The following TMC6 variants were observed in gnomAD, a reference collection of about 807,000 sequenced individuals.
The protein encoded by TMC6 is transmembrane channel like 6, also known as transmembrane channel-like protein 6.
TMC6 carries 71 observed loss-of-function variants against 95.4 expected under a neutral mutation model. That is an observed-to-expected ratio of 0.74 (90% confidence interval 0.61 to 0.91). The LOEUF is 0.91. TMC6 is among the 40% of genes least tolerant of loss of function. The pLI is 0.00. For missense variants in TMC6, 1,074 were observed against 1,079.1 expected (o/e 1.00, Z 0.07); for synonymous variants, 514 against 483.1 (o/e 1.06, Z -0.84).
upstream of TMC6, chr17:78,132,064 C>T: frequency 6.5e-7 from 1 of 1,534,788 alleles, no homozygotes; most frequent in Non-Finnish European, 8.7e-7. Context: ...TCCCCTTGCC[C>T]TCTCTGGAGC....
At chr17:78,113,411 G>A (rs111729911) in intron 19 of TMC6, 137 bp downstream of exon 19, 1 of 1,256,282 alleles carries the variant, frequency 8.0e-7, no homozygotes, top group Admixed American at 2.0e-5. Flanking sequence ...GGGCGCCGGG[G>A]GGGAGATTTT....
In TMC6 at chr17:78,121,122, G is replaced by A. The variant is rs1323092707; in HGVS notation, c.1426C>T (p.Pro476Ser). 4 of 1,609,298 alleles carry A rather than the reference G, an allele frequency of 2.5e-6. No individual in the cohort carries two copies. The highest frequency in any genetic ancestry group is 1.1e-5 in the South Asian group (1 of 90,710). ...AGQEAVLLVL[P>S]LVVGLLNLGA... The stretch of plus-strand genomic sequence containing the variant: ...AGGTTGAGGAGGCCAACCACCAGGG[G>A]CAGGACCAGCAGCACAGCCTCCTGG... Residue 476 changes from proline to serine, a missense_variant, in exon 12 of 20, where the codon CCC becomes TCC. Transcript: ENST00000590602. The surrounding 1 kb of genome is among the most constrained non-coding windows in gnomAD (Gnocchi z 5.6).
At chr17:78,113,361 G>T in intron 19 of TMC6, 150 bp from the exon 20 acceptor site, 1 of 1,225,790 alleles carries the variant, frequency 8.2e-7, no homozygotes, top group Non-Finnish European at 1.2e-6. Flanking sequence ...AAAATGGCCA[G>T]GCTCCGGAGG....
At position 78,124,579 on chromosome 17, in the gene TMC6, G is replaced by A. The variant is rs1360687559; in HGVS notation, c.836C>T (p.Pro279Leu). ...GACGGGGGCAGGGCCCGGCAGGGCG[G>A]GTGGGAAGGCGACCTGAGGGCCCAT... ...FIMGPQVAFP[P>L]ALPGPAPVCT... Residue 279 changes from proline to leucine, a missense_variant, in exon 8 of 20, where the codon CCC becomes CTC. Coordinates refer to ENST00000590602, the MANE Select transcript of TMC6 (RefSeq NM_001127198.5). 8.1e-6 allele frequency: 13 copies of A among 1,612,244 alleles called. No homozygotes were observed. The highest frequency in any genetic ancestry group is 1.1e-5 in the Non-Finnish European group (13 of 1,179,792).
chr17:78,113,632 G>A lies in TMC6; in HGVS notation c.2278-8C>T, dbSNP rs749310036. 1.9e-6 allele frequency: 3 copies of A among 1,613,234 alleles called. No individual in the cohort carries two copies. In the Admixed American group the frequency reaches 5.0e-5, roughly 27 times the overall value. Reference sequence around the variant, plus strand: ...GATTTTGTCCTCACCCTCCTAGAAAGGCCAGAACACAAAGGGGAGGAGAAA... The same window carrying A: ...GATTTTGTCCTCACCCTCCTAGAAAAGCCAGAACACAAAGGGGAGGAGAAA... On this transcript the variant is annotated splice_region_variant and splice_polypyrimidine_tract_variant and intron_variant, in intron 18 of 19. Transcript: ENST00000590602.
Position 78,111,371 on chromosome 17 carries a change from C to T in TMC6, c.*1777G>A, listed in dbSNP as rs906378267. The T allele has an allele frequency of 8.5e-5, 13 of 152,396 alleles. No homozygotes were observed. The highest frequency in any genetic ancestry group is 3.1e-4 in the African/African-American group (13 of 41,468). The allele number at this position is 152,396 out of a possible 1,614,324, so 9.4% of individuals were successfully genotyped here. ...CAACAGGTCACAACCAATGATCATG[C>T]TGGCAAGCCAGCAGTGGCAGGCGCA... On this transcript the variant is annotated 3_prime_UTR_variant, in exon 20 of 20. Transcript: ENST00000590602.
At chr17:78,120,611 G>C (rs767765175) in intron 13 of TMC6, 42 bp downstream of exon 13, 3 of 1,613,682 alleles carry the variant, frequency 1.9e-6, no homozygotes. Flanking sequence ...CGGCCACTAA[G>C]GGGAGAACAC....
chr17:78,119,803 TTTTA>T, intron 13 of TMC6: 1 of 371,872 alleles, frequency 2.7e-6, no homozygotes, highest in South Asian at 2.1e-5. Flanking sequence ...CCCAGCTAAT[TTTTA>T]TTTATTTTTA....
In TMC6 at chr17:78,126,668, G is replaced by C. The variant is rs372869944; in HGVS notation, c.57-20C>G. On this transcript the variant is annotated intron_variant, in intron 2 of 19. Transcript: ENST00000590602. Reference sequence around the variant, plus strand: ...CCCTGGCTGCAGAGGGGGTTGGCGGGGGGGTCAGGCTCCAGCCACCTCTCT... The same window carrying C: ...CCCTGGCTGCAGAGGGGGTTGGCGGCGGGGTCAGGCTCCAGCCACCTCTCT... 1.9e-6 allele frequency: 3 copies of C among 1,612,560 alleles called. No individual in the cohort carries two copies. The highest frequency in any genetic ancestry group is 1.3e-5 in the African/African-American group (1 of 74,912).
intron 5 of TMC6, 23 bp from the exon 6 acceptor site, chr17:78,125,286 C>T: frequency 6.5e-7 from 1 of 1,549,994 alleles, no homozygotes; most frequent in South Asian, 1.2e-5. Flanking sequence ...GAGGGAGGTC[C>T]TGCCCATCCC....
In TMC6 at chr17:78,113,203, G is replaced by C; in HGVS notation, c.2363C>G (p.Thr788Arg). The C allele has an allele frequency of 9.0e-6, 14 of 1,555,880 alleles. No homozygotes were observed. The highest frequency in any genetic ancestry group is 1.2e-5 in the Non-Finnish European group (14 of 1,148,636). Residue 788 changes from threonine (T) to arginine (R), a missense_variant, in exon 20 of 20, where the codon ACA (threonine) becomes AGA (arginine). Thr to Arg is a moderately conservative substitution (Grantham distance 71). Coordinates refer to ENST00000590602, the MANE Select transcript of TMC6 (RefSeq NM_001127198.5). ...KEREERSRVG[T>R]TEEAAAPPAL... ...AGGGGGTGCCGCAGCCTCCTCGGTTGTCCCAACCCTGCCAGAAAGAGACAT... is the reference window on the plus strand; with the variant it reads ...AGGGGGTGCCGCAGCCTCCTCGGTTCTCCCAACCCTGCCAGAAAGAGACAT...
chr17:78,110,428 C>G lies in TMC6; in HGVS notation c.*2720G>C, dbSNP rs527516420. On this transcript the variant is annotated 3_prime_UTR_variant, in exon 20 of 20. Transcript: ENST00000590602. ...GGAGGCTGAGGCAGTGAGCCGAGAT[C>G]ATGGAACTGCACTCCAGCCTGGGCA... 4 of 152,294 alleles carry G rather than the reference C, an allele frequency of 2.6e-5. No individual in the cohort carries two copies. The highest frequency in any genetic ancestry group is 9.6e-5 in the African/African-American group (4 of 41,512). 9.4% of individuals were successfully genotyped at this position (152,294 alleles called of 1,614,324 possible).
chr17:78,128,729 AGGGGCGACTGGGCCAGTCGCAG>A lies in TMC6; in HGVS notation c.-214_-193del, dbSNP rs2074870589. 1 of 135,574 alleles carries A rather than the reference AGGGGCGACTGGGCCAGTCGCAG, an allele frequency of 7.4e-6. No individual in the cohort carries two copies. The highest frequency in any genetic ancestry group is 1.6e-5 in the Non-Finnish European group (1 of 63,950). 8.4% of individuals were successfully genotyped at this position (135,574 alleles called of 1,614,324 possible). On this transcript the variant is annotated 5_prime_UTR_variant, in exon 1 of 20. Transcript: ENST00000590602. The surrounding 1 kb of genome is among the most constrained non-coding windows in gnomAD (Gnocchi z 4.0). ...TGCCAAGGGAGTGGCAAAGGGCCCC[AGGGGCGACTGGGCCAGTCGCAG>A]GTCTGCCGGGGCCGGGGGAGTAGCC...
intron 2 of TMC6, 40 bp from the exon 3 acceptor site, chr17:78,126,688 C>T (rs1351301031): frequency 1.2e-6 from 2 of 1,612,186 alleles, no homozygotes; most frequent in Non-Finnish European, 1.7e-6. Flanking sequence ...CTCCAGCCAC[C>T]TCTCTCCTTC....
intron 4 of TMC6, 188 bp downstream of exon 4, chr17:78,126,089 G>T: frequency 1.8e-6 from 2 of 1,099,028 alleles, no homozygotes; most frequent in Non-Finnish European, 2.6e-6. Context: ...CCCAGCGAGG[G>T]CCACATGGGG....
upstream of TMC6, chr17:78,132,421 C>G (rs1234202350): frequency 6.2e-7 from 1 of 1,612,856 alleles, no homozygotes; most frequent in Non-Finnish European, 8.5e-7. Context: ...GCTACTCAAC[C>G]TGCTGAGCCT....
upstream of TMC6, among the ~76,000 whole-genome samples, chr17:78,129,094 A>C: frequency 6.9e-6 from 1 of 144,866 alleles, no homozygotes; most frequent in African/African-American, 2.6e-5. The surrounding 1 kb of genome is among the most constrained non-coding windows in gnomAD (Gnocchi z 4.3). Flanking sequence ...GACACAGAGT[A>C]TCTCACTCCA....
intron 19 of TMC6, 63 bp from the exon 20 acceptor site, chr17:78,113,274 G>A: frequency 6.6e-7 from 1 of 1,515,472 alleles, no homozygotes; most frequent in Non-Finnish European, 8.9e-7. Context: ...AACCTGGCTG[G>A]GCGCAGCCAA....
At chr17:78,115,225 A>G (rs2074003679) in intron 18 of TMC6, among the ~76,000 whole-genome samples, 1 of 152,206 alleles carries the variant, frequency 6.6e-6, no homozygotes, top group East Asian at 1.9e-4. Flanking sequence ...TCCTGGCACC[A>G]ACTAGCCAGC....
Sources: gnomAD v4.1 joint callset for allele counts (sites outside exome capture counted in the v4.1 genomes callset) on GRCh38, gnomAD v4.1.1 for gene constraint, Gnocchi (gnomAD v3.1) non-coding constraint, MANE v1.5 for transcripts, NCBI Gene and HGNC (gene_info 2026-07-23, HGNC 2026-07-21) for gene names.